The following QTMAN variants were observed in gnomAD, a reference collection of about 807,000 sequenced individuals.
The protein encoded by QTMAN is tRNA-queuosine alpha-mannosyltransferase.
chr2:144,102,568 T>C, the QTMAN span, among the ~76,000 whole-genome samples: 1 of 152,222 alleles, frequency 6.6e-6, no homozygotes, highest in Non-Finnish European at 1.5e-5. Flanking sequence ...TTACAAAGGA[T>C]GCTGAGGTTG....
At chr2:143,971,175 A>G in the QTMAN span, among the ~76,000 whole-genome samples, 1 of 151,592 alleles carries the variant, frequency 6.6e-6, no homozygotes, top group Non-Finnish European at 1.5e-5. Context: ...TCCAATGATC[A>G]TGAGAATGTA....
At chr2:144,001,085 G>A in the QTMAN span, among the ~76,000 whole-genome samples, 7,936 of 151,952 alleles carry the variant, frequency 0.052, 338 homozygotes, top group African/African-American at 0.12. Flanking sequence ...ACAAAGGTAA[G>A]TTTATTCTGA....
the QTMAN span, among the ~76,000 whole-genome samples, chr2:144,288,717 T>C: frequency 6.6e-6 from 1 of 152,174 alleles, no homozygotes; most frequent in East Asian, 1.9e-4. Context: ...CCTGGAATTG[T>C]CTACAGATCC....
chr2:144,118,242 T>C, the QTMAN span, among the ~76,000 whole-genome samples: 1 of 152,160 alleles, frequency 6.6e-6, no homozygotes, highest in Non-Finnish European at 1.5e-5. Flanking sequence ...CAGCAAGTAG[T>C]ATCAACTAAT....
At chr2:144,047,296 A>G in the QTMAN span, among the ~76,000 whole-genome samples, 3 of 152,186 alleles carry the variant, frequency 2.0e-5, no homozygotes, top group African/African-American at 4.8e-5. Context: ...ATAAAAAAAG[A>G]CTATTCGCCA....
At chr2:144,034,421 T>C in the QTMAN span, among the ~76,000 whole-genome samples, 1 of 152,224 alleles carries the variant, frequency 6.6e-6, no homozygotes, top group African/African-American at 2.4e-5. Flanking sequence ...TTCGCTTTCG[T>C]ACTGCAACAC....
At chr2:144,284,770 T>C in the QTMAN span, among the ~76,000 whole-genome samples, 1 of 152,170 alleles carries the variant, frequency 6.6e-6, no homozygotes, top group South Asian at 2.1e-4. Flanking sequence ...CAGTGGTTCA[T>C]GGCTGTAATG....
the QTMAN span, among the ~76,000 whole-genome samples, chr2:144,023,858 G>T: frequency 6.6e-6 from 1 of 152,118 alleles, no homozygotes; most frequent in Non-Finnish European, 1.5e-5. Flanking sequence ...AAAATTTCTT[G>T]TAACTGAAAA....
the QTMAN span, among the ~76,000 whole-genome samples, chr2:143,961,757 T>C: frequency 7.2e-5 from 11 of 152,096 alleles, no homozygotes; most frequent in Non-Finnish European, 1.5e-4. Flanking sequence ...GAAAAGATTA[T>C]TCTACTTACA....
At chr2:144,016,494 T>A in the QTMAN span, among the ~76,000 whole-genome samples, 1 of 152,134 alleles carries the variant, frequency 6.6e-6, no homozygotes, top group Admixed American at 6.5e-5. Context: ...CACGTACATT[T>A]GCTCTTTCTG....
the QTMAN span, among the ~76,000 whole-genome samples, chr2:144,136,666 T>C: frequency 6.6e-6 from 1 of 152,092 alleles, no homozygotes; most frequent in South Asian, 2.1e-4. Context: ...TCTAGTTTAG[T>C]AGGTTGCAAG....
the QTMAN span, among the ~76,000 whole-genome samples, chr2:144,199,117 G>A: frequency 2.0e-5 from 3 of 150,706 alleles, no homozygotes; most frequent in African/African-American, 4.9e-5. Flanking sequence ...ACACAAGCTC[G>A]ACTCACTGCA....
At chr2:144,271,881 G>T in the QTMAN span, among the ~76,000 whole-genome samples, 1 of 152,140 alleles carries the variant, frequency 6.6e-6, no homozygotes, top group Admixed American at 6.5e-5. Flanking sequence ...AATAATCTTA[G>T]TTGAAAGAGA....
At chr2:144,316,236 C>CAA in the QTMAN span, among the ~76,000 whole-genome samples, 3 of 134,968 alleles carry the variant, frequency 2.2e-5, no homozygotes, top group African/African-American at 8.2e-5. Flanking sequence ...AACCCTATCT[C>CAA]AAAAAAAAAA....
the QTMAN span, among the ~76,000 whole-genome samples, chr2:144,048,055 T>C: frequency 6.6e-6 from 1 of 152,194 alleles, no homozygotes; most frequent in African/African-American, 2.4e-5. Context: ...TTGAAATCTG[T>C]TTTAACAGAG....
chr2:144,318,499 CATGAA>C, the QTMAN span, among the ~76,000 whole-genome samples: 5 of 152,092 alleles, frequency 3.3e-5, no homozygotes, highest in Non-Finnish European at 5.9e-5. Context: ...GCTTAAAAAC[CATGAA>C]ATGAAATCAA....
At chr2:143,964,051 G>A in the QTMAN span, 1 of 152,006 alleles carries the variant, frequency 6.6e-6, no homozygotes, top group Non-Finnish European at 1.5e-5. Flanking sequence ...TAAATCACTA[G>A]ACTGCTATAA....
chr2:144,139,954 C>T, the QTMAN span, among the ~76,000 whole-genome samples: 2 of 151,972 alleles, frequency 1.3e-5, no homozygotes, highest in African/African-American at 4.8e-5. Context: ...TACAAGCATT[C>T]AAAAATATTT....
the QTMAN span, chr2:143,952,093 ATT>A: frequency 6.9e-7 from 1 of 1,448,344 alleles, no homozygotes; most frequent in Non-Finnish European, 9.7e-7. Context: ...AAACAGATAC[ATT>A]TTTAATGAAA....
Sources: allele counts gnomAD v4.1 joint callset (sites outside exome capture counted in the v4.1 genomes callset), GRCh38; gene constraint gnomAD v4.1.1; transcripts MANE v1.5; gene names NCBI Gene and HGNC (gene_info 2026-07-23, HGNC 2026-07-21).